Variants in DEPTOR observed in about 807,000 individuals in gnomAD.
DEPTOR encodes the protein DEP domain containing MTOR interacting protein.
Under a neutral mutation model 41.6 loss-of-function variants are expected in DEPTOR, and 41 were observed. That is an observed-to-expected ratio of 0.98 (90% CI 0.77 to 1.28). The LOEUF is 1.28. Among genes scored for constraint, DEPTOR ranks in the 50% most tolerant of loss-of-function variants. The pLI is 0.00. For missense variants in DEPTOR, 514 were observed against 527.9 expected, an observed-to-expected ratio of 0.97 and a Z score of 0.26; for synonymous variants, 195 against 192.3, an observed-to-expected ratio of 1.01 and a Z score of -0.12.
At chr8:119,999,360 CACTT>C (rs1403543102) in intron 4 of DEPTOR, among the ~76,000 whole-genome samples, 2 of 152,092 alleles carry the variant, frequency 1.3e-5, no homozygotes, top group Admixed American at 6.6e-5. Context: ...ACATATAAGA[CACTT>C]ACTTAAGGTC....
chr8:120,021,171 G>A (rs1812707757), intron 8 of DEPTOR, among the ~76,000 whole-genome samples: 1 of 152,074 alleles, frequency 6.6e-6, no homozygotes, highest in African/African-American at 2.4e-5. Context: ...GGGAGGCCAA[G>A]GCGGGCAGAT....
chr8:119,965,125 G>C (rs1160502665), intron 3 of DEPTOR, 107 bp from the exon 4 acceptor site: 2 of 1,233,444 alleles, frequency 1.6e-6, no homozygotes, highest in African/African-American at 3.0e-5. Context: ...AGCTGCATCT[G>C]TCTGTCTGAC....
chr8:119,956,883 C>A (rs1273768524), intron 3 of DEPTOR, among the ~76,000 whole-genome samples: 1 of 151,828 alleles, frequency 6.6e-6, no homozygotes, highest in African/African-American at 2.4e-5. Context: ...TATAGGCACC[C>A]ACCACCACAC....
chr8:120,047,740 A>G (rs1014931325), intron 8 of DEPTOR, among the ~76,000 whole-genome samples: 7 of 149,982 alleles, frequency 4.7e-5, no homozygotes, highest in Middle Eastern at 3.4e-3. Flanking sequence ...AGGACACACA[A>G]TTGTGGTTAA....
chr8:119,911,606 C>CCA (rs2129787520), intron 1 of DEPTOR, among the ~76,000 whole-genome samples: 1 of 152,256 alleles, frequency 6.6e-6, no homozygotes, highest in East Asian at 1.9e-4. Context: ...GCCTGAGCCA[C>CCA]CGTGCCTGGC....
At chr8:119,923,437 T>C (rs1228631959) in intron 1 of DEPTOR, among the ~76,000 whole-genome samples, 3 of 152,086 alleles carry the variant, frequency 2.0e-5, no homozygotes, top group Non-Finnish European at 4.4e-5. Flanking sequence ...GAGATGGGGT[T>C]TTGCCATGTT....
intron 1 of DEPTOR, among the ~76,000 whole-genome samples, chr8:119,912,204 G>C (rs1161778287): frequency 2.0e-5 from 3 of 152,166 alleles, no homozygotes; most frequent in African/African-American, 7.2e-5. Context: ...ATATAGGGAA[G>C]AGGCAGAAAG....
intron 1 of DEPTOR, among the ~76,000 whole-genome samples, chr8:119,922,664 T>C (rs7018038): frequency 0.28 from 42,882 of 152,112 alleles, 6,484 homozygotes; most frequent in Middle Eastern, 0.39. Context: ...TGAGGATTAA[T>C]GCCCATAAAG....
chr8:119,954,831 A>G (rs991774893), intron 3 of DEPTOR, among the ~76,000 whole-genome samples: 1 of 145,662 alleles, frequency 6.9e-6, no homozygotes, highest in African/African-American at 2.6e-5. Flanking sequence ...GAGTGCTTGC[A>G]GCAGGCAAAT....
chr8:119,927,006 C>T (rs1827971963), intron 1 of DEPTOR, among the ~76,000 whole-genome samples: 1 of 152,148 alleles, frequency 6.6e-6, no homozygotes, highest in Admixed American at 6.5e-5. Context: ...CAGGCTTTTG[C>T]TCAAAATATT....
At chr8:119,948,297 C>T (rs907151259) in intron 3 of DEPTOR, among the ~76,000 whole-genome samples, 1 of 152,002 alleles carries the variant, frequency 6.6e-6, no homozygotes, top group East Asian at 1.9e-4. Context: ...CCTGTAATCC[C>T]GCTCCTTGGG....
chr8:120,047,460 C>T (rs1424317789), intron 8 of DEPTOR, among the ~76,000 whole-genome samples: 13 of 151,306 alleles, frequency 8.6e-5, no homozygotes, highest in Admixed American at 7.9e-4. Context: ...CTCCACCTCC[C>T]GGGTTCAAGT....
At chr8:120,040,756 G>A (rs1234387962) in intron 8 of DEPTOR, among the ~76,000 whole-genome samples, 3 of 152,200 alleles carry the variant, frequency 2.0e-5, no homozygotes, top group Admixed American at 6.5e-5. Flanking sequence ...GTATTCTAGA[G>A]AGATGGGCTG....
rs535323604 is a variant in DEPTOR at position 119,907,294 on chromosome 8, GC to G, written c.123-21105del. Among the ~76,000 whole-genome samples the G allele has an allele frequency of 4.3e-4, 65 of 152,028 alleles. 1 individual carries two copies. The East Asian group carries it at 0.012, about 28-fold the overall frequency. ...TTGAGGTTTTTAAGAAATATATGGG[GC>G]ACAGATTTCTTCACAAAATTTCAAA... On this transcript the variant is annotated intron_variant, in intron 1 of 8. Transcript: ENST00000286234.
intron 3 of DEPTOR, among the ~76,000 whole-genome samples, chr8:119,940,481 C>A (rs1007359037): frequency 2.6e-5 from 4 of 152,178 alleles, no homozygotes; most frequent in Admixed American, 6.5e-5. Context: ...CACAGTGGCT[C>A]ACGCCTGTCA....
At chr8:119,924,191 CTG>C (rs1827935550) in intron 1 of DEPTOR, among the ~76,000 whole-genome samples, 1 of 152,146 alleles carries the variant, frequency 6.6e-6, no homozygotes, top group African/African-American at 2.4e-5. Flanking sequence ...GTTCAACTTC[CTG>C]TCCTAGGGTT....
intron 4 of DEPTOR, among the ~76,000 whole-genome samples, chr8:119,998,946 G>GAAAA (rs112650879): frequency 7.3e-6 from 1 of 137,638 alleles, no homozygotes; most frequent in Non-Finnish European, 1.6e-5. Context: ...TCAAAAATAG[G>GAAAA]AAAAAAAAAA....
chr8:120,043,418 A>G (rs1237117939), intron 8 of DEPTOR, among the ~76,000 whole-genome samples: 1 of 152,214 alleles, frequency 6.6e-6, no homozygotes, highest in Non-Finnish European at 1.5e-5. Context: ...TTAGTGACAC[A>G]AAAAGAAACC....
At chr8:119,941,373 C>CAAAAAAA (rs749120675) in intron 3 of DEPTOR, among the ~76,000 whole-genome samples, 9 of 39,916 alleles carry the variant, frequency 2.3e-4, no homozygotes, top group Non-Finnish European at 3.0e-4. Context: ...ATCTCCATCT[C>CAAAAAAA]AAAAAAAAAA....
Sources: gnomAD v4.1 joint callset for allele counts (sites outside exome capture counted in the v4.1 genomes callset) on GRCh38, gnomAD v4.1.1 for gene constraint, MANE v1.5 for transcripts, NCBI Gene and HGNC (gene_info 2026-07-23, HGNC 2026-07-21) for gene names.